The following RYR2 variants were observed in gnomAD, a reference collection of about 807,000 sequenced individuals.
RYR2 encodes cardiac muscle ryanodine receptor-calcium release channel.
In RYR2, 227 loss-of-function variants were observed where a neutral mutation model predicts 601.1. The observed-to-expected ratio is 0.38, with a 90% CI of 0.34 to 0.42. The LOEUF (loss-of-function observed/expected upper bound fraction) is 0.42. Among genes scored for constraint, RYR2 ranks in the 10% least tolerant of loss-of-function variants. RYR2 has a pLI of 1.00. For missense variants in RYR2, 4,646 were observed against 6,156.5 expected (o/e 0.75, Z 8.21); for synonymous variants, 2,223 against 2,175.1 (o/e 1.02, Z -0.61).
intron 97 of RYR2, 148 bp downstream of exon 97, chr1:237,798,318 T>C: frequency 1.4e-6 from 1 of 706,460 alleles, no homozygotes; most frequent in Non-Finnish European, 2.1e-6. Flanking sequence ...AGTCTACTTT[T>C]ACACTTCTTG....
At chr1:237,555,710 G>T (rs16835391) in intron 27 of RYR2, among the ~76,000 whole-genome samples, 4,111 of 152,142 alleles carry the variant, frequency 0.027, 115 homozygotes, top group African/African-American at 0.068. Flanking sequence ...GAATGCCTAA[G>T]TCTGGTTGAC....
At chr1:237,619,878 G>A (rs1678893746) in intron 38 of RYR2, among the ~76,000 whole-genome samples, 1 of 152,080 alleles carries the variant, frequency 6.6e-6, no homozygotes, top group Non-Finnish European at 1.5e-5. Context: ...AGGAACGAAG[G>A]GGAAATCAAG....
intron 1 of RYR2, among the ~76,000 whole-genome samples, chr1:237,062,333 C>T (rs1481538699): frequency 6.6e-6 from 1 of 152,162 alleles, no homozygotes; most frequent in Admixed American, 6.5e-5. Flanking sequence ...GAAGAATTAA[C>T]ATCTTTTCGA....
At chr1:237,452,160 A>G (rs1658248850) in intron 14 of RYR2, among the ~76,000 whole-genome samples, 1 of 147,672 alleles carries the variant, frequency 6.8e-6, no homozygotes, top group African/African-American at 2.5e-5. Context: ...GTAATATATA[A>G]TGTGTGTGTA....
In RYR2 at chr1:237,784,372, A is replaced by G. The variant is rs1323430299; in HGVS notation, c.12660A>G (p.Glu4220=). The change falls in exon 90 of 105, where the codon GAA becomes GAG. Residue 4220 remains glutamate, a synonymous_variant. Transcript: ENST00000366574. This position sits in a 1 kb window ranked among gnomAD's most constrained non-coding sequence, Gnocchi z 7.1. ...DLNERSANKE[E]SEKERPEEQG... The stretch of plus-strand genomic sequence containing the variant: ...ACGAGAGGTCAGCGAATAAGGAAGA[A>G]AGCGAGAAGGAGAGGCCGGAAGAGC... The G allele has an allele frequency of 6.2e-7, 1 of 1,613,968 alleles. No homozygotes were observed. Among genetic ancestry groups the G allele is most frequent in the African/African-American group, 1.3e-5 (1 of 75,036 alleles).
At chr1:237,437,094 G>C (rs1178039599) in intron 12 of RYR2, among the ~76,000 whole-genome samples, 1 of 151,294 alleles carries the variant, frequency 6.6e-6, no homozygotes, top group East Asian at 1.9e-4. Context: ...GCCCAGGCTG[G>C]AGTGCACTGG....
intron 1 of RYR2, among the ~76,000 whole-genome samples, chr1:237,048,325 A>T (rs2148118859): frequency 6.6e-6 from 1 of 152,238 alleles, no homozygotes; most frequent in South Asian, 2.1e-4. Context: ...TTGTCATCAT[A>T]GCCCATCGTG....
intron 1 of RYR2, among the ~76,000 whole-genome samples, chr1:237,061,242 T>TA (rs1464396529): frequency 2.2e-5 from 3 of 134,778 alleles, no homozygotes; most frequent in Non-Finnish European, 3.3e-5. Flanking sequence ...TCTATCTATC[T>TA]ATCTATCTAT....
chr1:237,466,019 T>A (rs1660049558), intron 16 of RYR2, among the ~76,000 whole-genome samples: 1 of 152,226 alleles, frequency 6.6e-6, no homozygotes. Context: ...ATATTACTCA[T>A]GATTTATTAT....
intron 2 of RYR2, among the ~76,000 whole-genome samples, chr1:237,304,675 T>C (rs1412231850): frequency 2.0e-5 from 3 of 152,202 alleles, no homozygotes; most frequent in African/African-American, 7.2e-5. Context: ...TATGTATTAA[T>C]CTTACATATA....
At chr1:237,731,988 G>C in intron 77 of RYR2, 58 bp from the exon 78 acceptor site, 1 of 1,106,698 alleles carries the variant, frequency 9.0e-7, no homozygotes, top group African/African-American at 1.5e-5. Flanking sequence ...CAGTGCTTTT[G>C]GATTTGAGTG....
At chr1:237,675,686 T>A (rs1488420906) in intron 60 of RYR2, among the ~76,000 whole-genome samples, 1 of 152,192 alleles carries the variant, frequency 6.6e-6, no homozygotes, top group Non-Finnish European at 1.5e-5. Flanking sequence ...CTTGGATCCC[T>A]TAGCTGCTGT....
chr1:237,192,460 C>T (rs576019809), intron 1 of RYR2, among the ~76,000 whole-genome samples: 5 of 152,326 alleles, frequency 3.3e-5, no homozygotes, highest in East Asian at 1.9e-4. Flanking sequence ...GGTGATCCAC[C>T]GGCCTCGGCC....
intron 1 of RYR2, among the ~76,000 whole-genome samples, chr1:237,188,756 G>T (rs1679646316): frequency 6.6e-6 from 1 of 152,038 alleles, no homozygotes. Context: ...AGTAGAAATG[G>T]GGTTTCACCA....
At chr1:237,316,119 A>G (rs1195382239) in intron 2 of RYR2, among the ~76,000 whole-genome samples, 1 of 152,156 alleles carries the variant, frequency 6.6e-6, no homozygotes, top group Non-Finnish European at 1.5e-5. Context: ...TAAAATAAAA[A>G]CAACTAATTT....
At chr1:237,382,003 A>G (rs569434650) in intron 8 of RYR2, among the ~76,000 whole-genome samples, 1 of 152,254 alleles carries the variant, frequency 6.6e-6, no homozygotes, top group Non-Finnish European at 1.5e-5. Flanking sequence ...TAGAAAAAAC[A>G]TGGCCAAGTA....
chr1:237,700,718 G>T (rs1687895748), intron 65 of RYR2, among the ~76,000 whole-genome samples: 1 of 152,052 alleles, frequency 6.6e-6, no homozygotes, highest in African/African-American at 2.4e-5. Flanking sequence ...CTTCCACATT[G>T]TTGAAGTTTC....
At chr1:237,227,911 TTGG>T (rs1382179242) in intron 1 of RYR2, among the ~76,000 whole-genome samples, 4 of 152,228 alleles carry the variant, frequency 2.6e-5, no homozygotes, top group Non-Finnish European at 5.9e-5. Flanking sequence ...ATTTAGAAGC[TTGG>T]TGGTGTTTTT....
At chr1:237,724,607 T>A (rs1423575798) in intron 74 of RYR2, among the ~76,000 whole-genome samples, 1 of 151,940 alleles carries the variant, frequency 6.6e-6, no homozygotes, top group African/African-American at 2.4e-5. Flanking sequence ...TACGTAATAT[T>A]TTCATGAAAT....
Sources: gnomAD v4.1 joint callset for allele counts (sites outside exome capture counted in the v4.1 genomes callset) on GRCh38, gnomAD v4.1.1 for gene constraint, Gnocchi (gnomAD v3.1) non-coding constraint, MANE v1.5 for transcripts, NCBI Gene and HGNC (gene_info 2026-07-23, HGNC 2026-07-21) for gene names.